LRP1B: variants seen among roughly 807,000 people sequenced by gnomAD.
LRP1B encodes LDL receptor related protein 1B, also known as low-density lipoprotein receptor-related protein 1B.
Under a neutral mutation model 556.6 loss-of-function variants are expected in LRP1B, and 217 were observed. The observed-to-expected ratio is 0.39, with a 90% confidence interval of 0.35 to 0.44. The LOEUF (loss-of-function observed/expected upper bound fraction) is 0.44, where lower values mean the gene tolerates loss of function less well. Ranked by LOEUF, LRP1B falls within the 20% of genes least tolerant of loss-of-function variation. The pLI is 1.00. For synonymous variants in LRP1B, 2,047 were observed against 1,865.8 expected (o/e 1.10, Z -2.50); for missense variants, 5,053 against 5,620.8 (o/e 0.90, Z 3.23).
rs75265691 is a variant in LRP1B at position 140,566,760 on chromosome 2, G to A, written c.7195-24789C>T. ...GTAACATACCTGTGCCTGAGCTGAAGCAGTATCACACCTCCTGGGAAAACA... is the reference window on the plus strand; with the variant it reads ...GTAACATACCTGTGCCTGAGCTGAAACAGTATCACACCTCCTGGGAAAACA... On this transcript the variant is annotated intron_variant, in intron 43 of 90. Transcript: ENST00000389484. Among the ~76,000 whole-genome samples, 317 of 152,280 alleles carry A rather than the reference G, an allele frequency of 2.1e-3. 10 individuals are homozygous for A. The East Asian group carries it at 0.057, about 27-fold the overall frequency.
chr2:140,856,784 G>GT lies in LRP1B; in HGVS notation c.4580-5002dup, dbSNP rs557883283. Among the ~76,000 whole-genome samples, 120 of 142,018 alleles carry GT rather than the reference G, an allele frequency of 8.4e-4. 1 individual carries two copies. Among genetic ancestry groups the GT allele is most frequent in the African/African-American group, 3.1e-3 (118 of 38,282 alleles). The allele number at this position is 142,018 out of a possible 152,430, so 93.2% of individuals were successfully genotyped here. ...ACACACACACACACACACACACATT[G>GT]TTTTTTCCTAAAATTTCTATGGTAT... On this transcript the variant is annotated intron_variant, in intron 27 of 90. Transcript: ENST00000389484.
intron 3 of LRP1B, among the ~76,000 whole-genome samples, chr2:141,307,770 A>G (rs750990031): frequency 4.6e-5 from 7 of 152,080 alleles, no homozygotes; most frequent in Non-Finnish European, 1.0e-4. Context: ...CACTGGTGTT[A>G]TTATGTCCAT....
At chr2:141,078,744 A>G (rs1048791010) in intron 7 of LRP1B, among the ~76,000 whole-genome samples, 4 of 152,214 alleles carry the variant, frequency 2.6e-5, no homozygotes, top group African/African-American at 9.6e-5. Flanking sequence ...TATTATATCA[A>G]TAGTGGGTCT....
intron 1 of LRP1B, among the ~76,000 whole-genome samples, chr2:141,918,701 A>T (rs936812190): frequency 2.0e-5 from 3 of 152,162 alleles, no homozygotes; most frequent in African/African-American, 7.2e-5. Context: ...TCCTAATAAA[A>T]GGGAAAGACA....
At chr2:141,957,760 T>C (rs1188352034) in intron 1 of LRP1B, among the ~76,000 whole-genome samples, 1 of 152,040 alleles carries the variant, frequency 6.6e-6, no homozygotes, top group Non-Finnish European at 1.5e-5. Flanking sequence ...GGCGAGAATA[T>C]TTTTTAAGAA....
intron 2 of LRP1B, among the ~76,000 whole-genome samples, chr2:141,694,916 C>T (rs1315444071): frequency 6.6e-6 from 1 of 151,862 alleles, no homozygotes; most frequent in African/African-American, 2.4e-5. Flanking sequence ...CTTTGGTATT[C>T]CTTTAGATAG....
intron 41 of LRP1B, among the ~76,000 whole-genome samples, chr2:140,693,342 G>A (rs1380705320): frequency 2.6e-5 from 4 of 151,954 alleles, no homozygotes; most frequent in African/African-American, 7.3e-5. Flanking sequence ...TTTAGAAACA[G>A]GGTCTCACTC....
At chr2:140,952,788 T>G (rs1248032585) in intron 18 of LRP1B, among the ~76,000 whole-genome samples, 1 of 152,142 alleles carries the variant, frequency 6.6e-6, no homozygotes, top group East Asian at 1.9e-4. Context: ...AAAAATATAA[T>G]TGCTGAACAC....
chr2:141,636,936 T>C (rs1240802579), intron 2 of LRP1B, among the ~76,000 whole-genome samples: 1 of 152,064 alleles, frequency 6.6e-6, no homozygotes, highest in Non-Finnish European at 1.5e-5. Context: ...CCTGGAAAAA[T>C]ATATTCCAAA....
chr2:141,508,820 A>G (rs1684021569), intron 2 of LRP1B, among the ~76,000 whole-genome samples: 1 of 152,154 alleles, frequency 6.6e-6, no homozygotes, highest in South Asian at 2.1e-4. Context: ...CCTAACCATT[A>G]CGATTGGTCA....
At position 140,980,972 on chromosome 2, in the gene LRP1B, T is replaced by C. The variant is rs556871304; in HGVS notation, c.2887+1188A>G. Among the ~76,000 whole-genome samples, 25 of 152,252 alleles carry C rather than the reference T, an allele frequency of 1.6e-4. No homozygotes were observed. The South Asian group carries it at 5.2e-3, about 32-fold the overall frequency. ...TTGGATGGAGCTGGAGGCCATTATATTAAGTGGAGTAACTCAGGAATGGAA... is the reference window on the plus strand; with the variant it reads ...TTGGATGGAGCTGGAGGCCATTATACTAAGTGGAGTAACTCAGGAATGGAA... On this transcript the variant is annotated intron_variant, in intron 18 of 90. Coordinates refer to ENST00000389484, the MANE Select transcript of LRP1B (RefSeq NM_018557.3).
At chr2:141,739,642 A>G (rs563464683) in intron 2 of LRP1B, among the ~76,000 whole-genome samples, 2 of 151,882 alleles carry the variant, frequency 1.3e-5, no homozygotes, top group East Asian at 1.9e-4. Flanking sequence ...AATAATAGAA[A>G]GAAAGTTGTT....
At chr2:141,188,363 A>T (rs2105192529) in intron 7 of LRP1B, 58 bp downstream of exon 7, 1 of 1,511,570 alleles carries the variant, frequency 6.6e-7, no homozygotes, top group Non-Finnish European at 9.1e-7. Flanking sequence ...GTCATACTTC[A>T]ATCTTTTCTT....
At chr2:141,968,572 G>C (rs1252018924) in intron 1 of LRP1B, among the ~76,000 whole-genome samples, 1 of 151,442 alleles carries the variant, frequency 6.6e-6, no homozygotes, top group African/African-American at 2.4e-5. Context: ...ATCCTGACGT[G>C]TATTTCTATT....
intron 1 of LRP1B, among the ~76,000 whole-genome samples, chr2:141,925,326 A>G (rs1700304334): frequency 6.6e-6 from 1 of 152,200 alleles, no homozygotes; most frequent in African/African-American, 2.4e-5. Context: ...GAGTCTTGGA[A>G]CAGAATATTG....
chr2:141,420,775 G>T (rs780854150), intron 3 of LRP1B, among the ~76,000 whole-genome samples: 7 of 152,270 alleles, frequency 4.6e-5, no homozygotes, highest in Admixed American at 1.3e-4. Flanking sequence ...CAAGCTTCCA[G>T]CTACTCTTCT....
At chr2:140,923,274 GA>G in intron 20 of LRP1B, 127 bp from the exon 21 acceptor site, 1 of 634,726 alleles carries the variant, frequency 1.6e-6, no homozygotes, top group Non-Finnish European at 2.7e-6. Context: ...ATGCTAGAGA[GA>G]ATACATTTTT....
intron 3 of LRP1B, among the ~76,000 whole-genome samples, chr2:141,434,028 C>A (rs1680665650): frequency 6.6e-6 from 1 of 151,578 alleles, no homozygotes; most frequent in Non-Finnish European, 1.5e-5. Flanking sequence ...TCAAGATTTT[C>A]TATCTTTGGC....
intron 2 of LRP1B, among the ~76,000 whole-genome samples, chr2:141,727,418 A>T (rs1437334): frequency 0.6 from 90,518 of 151,964 alleles, 27,504 homozygotes; most frequent in East Asian, 0.92. Context: ...CTGCAGCAAT[A>T]TGACACAGGT....
Sources: allele counts gnomAD v4.1 joint callset (sites outside exome capture counted in the v4.1 genomes callset), GRCh38; gene constraint gnomAD v4.1.1; transcripts MANE v1.5; gene names NCBI Gene and HGNC (gene_info 2026-07-23, HGNC 2026-07-21).